Variants in KMT2A observed in about 807,000 individuals in gnomAD.
KMT2A encodes the protein histone-lysine N-methyltransferase 2A.
A neutral mutation model predicts 345.3 loss-of-function variants in KMT2A; 16 were observed. The ratio of observed to expected loss-of-function variants is 0.05; its 90% CI spans 0.03 to 0.07. The LOEUF (loss-of-function observed/expected upper bound fraction) is 0.07. Among genes scored for constraint, KMT2A ranks in the 10% least tolerant of loss-of-function variants. The pLI, the probability that KMT2A is intolerant of heterozygous loss-of-function variation, is 1.00. For missense variants in KMT2A, 3,272 were observed against 4,841.6 expected (o/e 0.68, Z 9.62); for synonymous variants, 1,599 against 1,778.6 (o/e 0.90, Z 2.54).
chr11:118,492,405 C>T (rs1399571908), intron 15 of KMT2A, among the ~76,000 whole-genome samples: 1 of 152,222 alleles, frequency 6.6e-6, no homozygotes, highest in Non-Finnish European at 1.5e-5. Context: ...CGGGGCCGGG[C>T]GCGGTGGCTC....
At chr11:118,457,558 ACCATGCCTGACCG>A (rs1357318979) in intron 1 of KMT2A, among the ~76,000 whole-genome samples, 5 of 151,976 alleles carry the variant, frequency 3.3e-5, no homozygotes, top group African/African-American at 1.2e-4. Flanking sequence ...GGTGTGAGCC[ACCATGCCTGACCG>A]CCTTTTTTTC....
rs1950071910 is a variant in KMT2A, at chr11:118,478,209, G to A, written c.3569+8G>A. Reference sequence around the variant, plus strand: ...AAAGAAGCAGTGCTGCAAGTAAGTGGGTGTTTCACTCTGAGATGTTGACCT... The same window carrying A: ...AAAGAAGCAGTGCTGCAAGTAAGTGAGTGTTTCACTCTGAGATGTTGACCT... On this transcript the variant is annotated splice_region_variant and intron_variant, in intron 5 of 35. Coordinates refer to ENST00000534358, the MANE Select transcript of KMT2A (RefSeq NM_001197104.2). 1 of 1,603,062 alleles carries A rather than the reference G, an allele frequency of 6.2e-7. No homozygotes were observed. Among genetic ancestry groups the A allele is most frequent in the Admixed American group, 1.7e-5 (1 of 59,674 alleles).
chr11:118,456,609 A>G (rs920103318), intron 1 of KMT2A, among the ~76,000 whole-genome samples: 5 of 152,168 alleles, frequency 3.3e-5, no homozygotes, highest in Admixed American at 6.5e-5. Flanking sequence ...AAGTGCTAGG[A>G]TTACAGGCAT....
rs1555040446 is a variant in KMT2A, at chr11:118,484,889, G to A, written c.4246G>A (p.Glu1416Lys). The A allele has an allele frequency of 2.5e-6, 4 of 1,613,976 alleles. No homozygotes were observed. The highest frequency in any genetic ancestry group is 3.4e-6 in the Non-Finnish European group (4 of 1,179,890). ...GGATTGTGAAGCAGAAAATGTGTGG[G>A]AGATGGGAGGCTTAGGAATCTTGAC... Reference protein sequence around the residue: ...KEDCEAENVWEMGGLGILTSV... With the variant: ...KEDCEAENVWKMGGLGILTSV... Residue 1416 changes from glutamate to lysine, a missense_variant, in exon 10 of 36, where the codon GAG becomes AAG. Transcript: ENST00000534358. The surrounding 1 kb of genome is among the most constrained non-coding windows in gnomAD (Gnocchi z 4.1).
intron 1 of KMT2A, among the ~76,000 whole-genome samples, chr11:118,452,078 TG>T (rs2134201987): frequency 6.6e-6 from 1 of 152,284 alleles, no homozygotes; most frequent in South Asian, 2.1e-4. Flanking sequence ...TTACCTGCGC[TG>T]GAGGGCAGTG....
chr11:118,513,412 T>C (rs1555050684), intron 31 of KMT2A, among the ~76,000 whole-genome samples: 2 of 152,108 alleles, frequency 1.3e-5, no homozygotes. Context: ...TTTAGGAATT[T>C]AATTTTATCA....
Position 118,472,436 on chromosome 11 carries a change from G to T in KMT2A, c.1277G>T (p.Arg426Leu). The stretch of plus-strand genomic sequence containing the variant: ...TCCTCGCGGATCATTAAGACCCCTC[G>T]GCGGTTTATAGAGGATGAGGATTAT... ...AISSRIIKTP[R>L]RFIEDEDYDP... Residue 426 changes from arginine (R) to leucine (L), a missense_variant, in exon 3 of 36, where the codon CGG becomes CTG. Around this residue, in one of 27 missense-constraint regions of KMT2A, gnomAD observed 9 missense variants for 36.7 expected, o/e 0.25. Coordinates refer to ENST00000534358, the MANE Select transcript of KMT2A (RefSeq NM_001197104.2). The T allele has an allele frequency of 6.2e-7, 1 of 1,613,916 alleles. No homozygotes were observed. Among genetic ancestry groups the T allele is most frequent in the Non-Finnish European group, 8.5e-7 (1 of 1,179,994 alleles).
rs781872314 is a variant in KMT2A, at chr11:118,504,855, C to G, written c.8963C>G (p.Pro2988Arg). Reference sequence around the variant, plus strand: ...CTGAGCCCAGGAGTAGATCCAACTCCTGAAGGCCACATGACTCCTGATCAT... The same window carrying G: ...CTGAGCCCAGGAGTAGATCCAACTCGTGAAGGCCACATGACTCCTGATCAT... ...ALLSPGVDPTPEGHMTPDHFI... is the reference protein window; with the variant it reads ...ALLSPGVDPTREGHMTPDHFI... Residue 2988 changes from proline to arginine, a missense_variant, in exon 27 of 36, where the codon CCT becomes CGT. By Grantham distance (103) the Pro-to-Arg change is moderately radical. Transcript: ENST00000534358. This position sits in a 1 kb window ranked among gnomAD's most constrained non-coding sequence, Gnocchi z 6.4. The G allele has an allele frequency of 3.7e-6, 6 of 1,614,058 alleles. No individual in the cohort carries two copies. The highest frequency in any genetic ancestry group is 2.7e-5 in the African/African-American group (2 of 74,914).
In KMT2A at chr11:118,472,715, C is replaced by T; in HGVS notation, c.1556C>T (p.Pro519Leu). ...CCTCCACTGCCCATTTCCCAGTCCC[C>T]AGAAAATGAGAGTAATGATAGGAGA... ...VHPPLPISQS[P>L]ENESNDRRSR... Residue 519 changes from proline to leucine, a missense_variant, in exon 3 of 36, where the codon CCA becomes CTA. By Grantham distance (98) the Pro-to-Leu change is moderately conservative. This residue lies in a region of KMT2A where 180 missense variants were observed against 190.7 expected (regional missense o/e 0.94). Coordinates refer to ENST00000534358, the MANE Select transcript of KMT2A (RefSeq NM_001197104.2). 6.2e-7 allele frequency: 1 copy of T among 1,613,516 alleles called. No individual in the cohort carries two copies. Among genetic ancestry groups the T allele is most frequent in the Non-Finnish European group, 8.5e-7 (1 of 1,179,912 alleles).
chr11:118,503,450 A>C lies in KMT2A; in HGVS notation c.7558A>C (p.Lys2520Gln), dbSNP rs1310537586. The change falls in exon 27 of 36, where the codon AAA becomes CAA. Residue 2520 changes from lysine (K) to glutamine (Q), a missense_variant. Physicochemically the swap from Lys to Gln is moderately conservative, Grantham distance 53. Transcript: ENST00000534358. This position sits in a 1 kb window ranked among gnomAD's most constrained non-coding sequence, Gnocchi z 5.3. ...GSAKELQAPR[K>Q]RTVKVTLTPL... ...TGCCAAGGAATTACAGGCACCACGG[A>C]AACGCACAGTCAAAGTGACACTGAC... 1.2e-6 allele frequency: 2 copies of C among 1,614,194 alleles called. No individual in the cohort carries two copies. Among genetic ancestry groups the C allele is most frequent in the African/African-American group, 1.3e-5 (1 of 75,064 alleles).
rs1199791101 is a variant in KMT2A at position 118,503,903 on chromosome 11, G to A, written c.8011G>A (p.Ala2671Thr). Residue 2671 changes from alanine to threonine, a missense_variant, in exon 27 of 36, where the codon GCC becomes ACC. Transcript: ENST00000534358. The surrounding 1 kb of genome is among the most constrained non-coding windows in gnomAD (Gnocchi z 5.3). ...KRSAEGQVDG[A>T]DDLSTSDEDD... Reference sequence around the variant, plus strand: ...ATCAGCTGAAGGACAGGTGGATGGGGCCGATGACTTAAGCACTTCAGATGA... The same window carrying A: ...ATCAGCTGAAGGACAGGTGGATGGGACCGATGACTTAAGCACTTCAGATGA... 1 of 1,614,104 alleles carries A rather than the reference G, an allele frequency of 6.2e-7. No individual in the cohort carries two copies. Among genetic ancestry groups the A allele is most frequent in the Admixed American group, 1.7e-5 (1 of 60,006 alleles).
At position 118,472,333 on chromosome 11, in the gene KMT2A, G is replaced by T; in HGVS notation, c.1174G>T (p.Ala392Ser). The change falls in exon 3 of 36, where the codon GCT (alanine) becomes TCT (serine). Residue 392 changes from alanine to serine, a missense_variant. This residue lies in a region of KMT2A where 412 missense variants were observed against 511.0 expected (regional missense o/e 0.81). Transcript: ENST00000534358. ...TCAAAAGAAAATTGAAAAAGAAGCA[G>T]CTCAGCTGCAGGGAAGAAAGGTGAA... The part of the protein sequence containing the change: ...GAQKKIEKEA[A>S]QLQGRKVKTQ... The T allele has an allele frequency of 1.2e-6, 2 of 1,614,108 alleles. No homozygotes were observed. The highest frequency in any genetic ancestry group is 1.7e-6 in the Non-Finnish European group (2 of 1,180,016).
At chr11:118,467,677 T>G (rs1949871027) in intron 1 of KMT2A, among the ~76,000 whole-genome samples, 1 of 152,220 alleles carries the variant, frequency 6.6e-6, no homozygotes. Context: ...ACTCTAGTTT[T>G]AAATTAACTG....
intron 10 of KMT2A, among the ~76,000 whole-genome samples, chr11:118,487,241 AC>A (rs1342434387): frequency 4.6e-5 from 7 of 152,122 alleles, no homozygotes; most frequent in African/African-American, 1.7e-4. Context: ...TTTTTATAGC[AC>A]CAGTCCTTCA....
At position 118,506,460 on chromosome 11, in the gene KMT2A, C is replaced by T. The variant is rs782322487; in HGVS notation, c.10568C>T (p.Ser3523Phe). 1.9e-6 allele frequency: 3 copies of T among 1,614,210 alleles called. No individual in the cohort carries two copies. The highest frequency in any genetic ancestry group is 2.2e-5 in the South Asian group (2 of 91,090). ...CCTGGGGGTTCTCCATCCTCTCCATCTTCTGGACAGCGGTCAGCAAGCCCT... is the reference window on the plus strand; with the variant it reads ...CCTGGGGGTTCTCCATCCTCTCCATTTTCTGGACAGCGGTCAGCAAGCCCT... ...TSPGGSPSSP[S>F]SGQRSASPSV... Residue 3523 changes from serine (S) to phenylalanine (F), a missense_variant, in exon 27 of 36, where the codon TCT becomes TTT. Around this residue, in one of 27 missense-constraint regions of KMT2A, gnomAD observed 748 missense variants for 922.2 expected, o/e 0.81. Transcript: ENST00000534358.
intron 1 of KMT2A, among the ~76,000 whole-genome samples, chr11:118,446,138 C>T (rs1949416477): frequency 6.6e-6 from 1 of 152,062 alleles, no homozygotes; most frequent in Admixed American, 6.6e-5. Flanking sequence ...CACTTGAGGT[C>T]AGGAGTTTGA....
At chr11:118,485,812 G>C (rs782153447) in intron 10 of KMT2A, among the ~76,000 whole-genome samples, 6 of 152,210 alleles carry the variant, frequency 3.9e-5, no homozygotes, top group Non-Finnish European at 8.8e-5. Context: ...GCTGGGCACG[G>C]TGGCTCACGC....
In KMT2A at chr11:118,504,201, T is replaced by G. The variant is rs782397511; in HGVS notation, c.8309T>G (p.Val2770Gly). ...GAAGATGCTGGGGAGAAAGAACATG[T>G]CACTAAGAGTTCTGTTGGCCACAAA... ...RPEDAGEKEHVTKSSVGHKNE... is the reference protein window; with the variant it reads ...RPEDAGEKEHGTKSSVGHKNE... The change falls in exon 27 of 36, where the codon GTC becomes GGC. Residue 2770 changes from valine (V) to glycine (G), a missense_variant. Physicochemically the swap from Val to Gly is moderately radical, Grantham distance 109 (BLOSUM62 -3). Coordinates refer to ENST00000534358, the MANE Select transcript of KMT2A (RefSeq NM_001197104.2). The surrounding 1 kb of genome is among the most constrained non-coding windows in gnomAD (Gnocchi z 6.4). 6.2e-7 allele frequency: 1 copy of G among 1,614,132 alleles called. No individual in the cohort carries two copies. The highest frequency in any genetic ancestry group is 1.1e-5 in the South Asian group (1 of 91,084).
rs782343209 is a variant in KMT2A, at chr11:118,491,704, C to T, written c.4820-40C>T. On this transcript the variant is annotated intron_variant, in intron 14 of 35. Coordinates refer to ENST00000534358, the MANE Select transcript of KMT2A (RefSeq NM_001197104.2). This position sits in a 1 kb window ranked among gnomAD's most constrained non-coding sequence, Gnocchi z 4.2. Reference sequence around the variant, plus strand: ...TTTCCTCTTCTTCCTCTCTCTCATTCTTCAGAGGACCTCATCATGGTAGGT... The same window carrying T: ...TTTCCTCTTCTTCCTCTCTCTCATTTTTCAGAGGACCTCATCATGGTAGGT... 14 of 1,474,492 alleles carry T rather than the reference C, an allele frequency of 9.5e-6. 1 individual carries two copies. In the South Asian group the frequency reaches 1.6e-4, roughly 17 times the overall value. The allele number at this position is 1,474,492 out of a possible 1,614,324, so 91.3% of individuals were successfully genotyped here.
Sources: gnomAD v4.1 joint callset for allele counts (sites outside exome capture counted in the v4.1 genomes callset) on GRCh38, gnomAD v4.1.1 for gene constraint, gnomAD v4.1.1 regional missense constraint, Gnocchi (gnomAD v3.1) non-coding constraint, MANE v1.5 for transcripts, NCBI Gene and HGNC (gene_info 2026-07-23, HGNC 2026-07-21) for gene names.